HDHD2: variants seen among roughly 807,000 people sequenced by gnomAD.
HDHD2 encodes haloacid dehalogenase like hydrolase domain containing 2.
HDHD2 carries 26 observed loss-of-function variants against 24.8 expected under a neutral mutation model. That is an observed-to-expected ratio of 1.05 (90% CI 0.77 to 1.45). HDHD2 has a LOEUF of 1.45. Ranked by LOEUF, HDHD2 falls within the 40% of genes most tolerant of loss-of-function variation. The pLI, the probability that HDHD2 is intolerant of heterozygous loss-of-function variation, is 0.00. For missense variants in HDHD2, 299 were observed against 313.4 expected (o/e 0.95, Z 0.35); for synonymous variants, 128 against 114.9 (o/e 1.11, Z -0.73).
At chr18:47,140,147 G>T (rs1260054314) in intron 1 of HDHD2, among the ~76,000 whole-genome samples, 2 of 152,122 alleles carry the variant, frequency 1.3e-5, no homozygotes, top group Non-Finnish European at 2.9e-5. Context: ...CAATTTTCGT[G>T]ATTTATTTTG....
intron 1 of HDHD2, among the ~76,000 whole-genome samples, chr18:47,141,654 T>C (rs1319664850): frequency 8.4e-6 from 1 of 119,698 alleles, no homozygotes; most frequent in Non-Finnish European, 1.9e-5. Context: ...ATTTAGTTTG[T>C]TGCTAAAATT....
intron 6 of HDHD2, chr18:47,110,597 A>G (rs1599918703): frequency 1.0e-6 from 1 of 985,436 alleles, no homozygotes. Context: ...ATAGAAATTG[A>G]CAAAAGTGGC....
intron 1 of HDHD2, among the ~76,000 whole-genome samples, chr18:47,146,796 G>A (rs1021573603): frequency 1.3e-5 from 2 of 152,118 alleles, no homozygotes; most frequent in African/African-American, 4.8e-5. Context: ...TGCATACATA[G>A]GTGATAAAAC....
chr18:47,112,070 T>G, intron 6 of HDHD2, among the ~76,000 whole-genome samples: 1 of 152,222 alleles, frequency 6.6e-6, no homozygotes, highest in East Asian at 1.9e-4. Context: ...TAATTCCAAA[T>G]GCAGCAGGTG....
intron 2 of HDHD2, among the ~76,000 whole-genome samples, chr18:47,136,090 C>G (rs1599953472): frequency 6.6e-6 from 1 of 152,070 alleles, no homozygotes; most frequent in African/African-American, 2.4e-5. Flanking sequence ...ATTTATATTA[C>G]TGACTTAGAA....
chr18:47,129,005 T>G (rs2063686806), intron 4 of HDHD2, among the ~76,000 whole-genome samples: 1 of 152,110 alleles, frequency 6.6e-6, no homozygotes. Flanking sequence ...GGTTTGTTTT[T>G]TTTTTATAGC....
chr18:47,145,586 T>C lies in HDHD2; in HGVS notation c.-11+4792A>G, dbSNP rs190505345. Among the ~76,000 whole-genome samples the C allele has an allele frequency of 6.6e-5, 10 of 152,200 alleles. No individual in the cohort carries two copies. The East Asian group carries it at 9.7e-4, about 15-fold the overall frequency. ...AATATCCACATGAGAAAAAATGAAA[T>C]TGGACTCCCACATCACACTATACAC... On this transcript the variant is annotated intron_variant, in intron 1 of 6. Transcript: ENST00000300605.
At chr18:47,141,177 T>C (rs1274975667) in intron 1 of HDHD2, among the ~76,000 whole-genome samples, 1 of 152,234 alleles carries the variant, frequency 6.6e-6, no homozygotes, top group Non-Finnish European at 1.5e-5. Context: ...TAAATGGCTA[T>C]TGGATTTTAC....
intron 3 of HDHD2, among the ~76,000 whole-genome samples, chr18:47,134,197 C>T (rs115687050): frequency 1.6e-3 from 251 of 152,176 alleles, no homozygotes; most frequent in African/African-American, 5.7e-3. Flanking sequence ...CATAATCAAA[C>T]AATCAAACCA....
intron 1 of HDHD2, among the ~76,000 whole-genome samples, chr18:47,141,271 T>C (rs562823273): frequency 2.0e-5 from 3 of 152,340 alleles, no homozygotes; most frequent in South Asian, 4.1e-4. Context: ...TAAGACAATC[T>C]TGCACAAATC....
intron 1 of HDHD2, among the ~76,000 whole-genome samples, chr18:47,144,039 T>C (rs2063843656): frequency 6.6e-6 from 1 of 151,970 alleles, no homozygotes; most frequent in South Asian, 2.1e-4. Flanking sequence ...AAATAAAGCC[T>C]AACAATACTA....
intron 1 of HDHD2, among the ~76,000 whole-genome samples, chr18:47,138,248 G>T (rs909746518): frequency 2.1e-5 from 3 of 140,308 alleles, no homozygotes; most frequent in Non-Finnish European, 3.1e-5. Context: ...TAAATCAAAT[G>T]ATCAAATTAA....
At chr18:47,134,816 A>G (rs1325271657) in intron 2 of HDHD2, 112 bp from the exon 3 acceptor site, 1 of 785,990 alleles carries the variant, frequency 1.3e-6, no homozygotes, top group Non-Finnish European at 2.1e-6. Context: ...CAACATGACA[A>G]TGTGTAGCCT....
chr18:47,143,654 G>A (rs1342788703), intron 1 of HDHD2, among the ~76,000 whole-genome samples: 3 of 152,146 alleles, frequency 2.0e-5, no homozygotes, highest in Non-Finnish European at 2.9e-5. Context: ...GTTAGCATAT[G>A]AGCCATACAT....
chr18:47,130,227 T>TA lies in HDHD2; in HGVS notation c.395+16dup, dbSNP rs2063699870. On this transcript the variant is annotated intron_variant, in intron 4 of 6. Transcript: ENST00000300605. ...GGAACTATTATGATCAGATGAAAAA[T>TA]AAATAGCTAGGTTTACCGGAATGCT... 1 of 1,481,216 alleles carries TA rather than the reference T, an allele frequency of 6.8e-7. No homozygotes were observed. The highest frequency in any genetic ancestry group is 1.4e-5 in the African/African-American group (1 of 71,342). The allele number at this position is 1,481,216 out of a possible 1,614,324, so 91.8% of individuals were successfully genotyped here. A position where few individuals can be genotyped will look rare whatever the true frequency, so the allele number is the denominator to read the frequency against.
In HDHD2 at chr18:47,136,351, T is replaced by G. The variant is rs1246844613; in HGVS notation, c.89A>C (p.Glu30Ala). The G allele has an allele frequency of 1.2e-6, 2 of 1,613,758 alleles. No individual in the cohort carries two copies. The highest frequency in any genetic ancestry group is 2.2e-5 in the South Asian group (2 of 91,068). ...GAGGATAGCTTGCCTTTTAAGAGCT[T>G]CCTGTGCGCCTGGCACAGCTGCATC... ...IEDAAVPGAQEALKRLRGASV... is the reference protein window; with the variant it reads ...IEDAAVPGAQAALKRLRGASV... The change falls in exon 2 of 7, where the codon GAA becomes GCA. Residue 30 changes from glutamate (E) to alanine (A), a missense_variant. By Grantham distance (107) the Glu-to-Ala change is moderately radical. Coordinates refer to ENST00000300605, the MANE Select transcript of HDHD2 (RefSeq NM_032124.5).
intron 4 of HDHD2, among the ~76,000 whole-genome samples, chr18:47,120,719 T>G: frequency 6.6e-6 from 1 of 152,174 alleles, no homozygotes; most frequent in Non-Finnish European, 1.5e-5. Flanking sequence ...TGATTTTAAG[T>G]AAGAGATGTA....
At chr18:47,130,449 T>C in intron 3 of HDHD2, 121 bp from the exon 4 acceptor site, 3 of 637,062 alleles carry the variant, frequency 4.7e-6, no homozygotes, top group Admixed American at 2.8e-5. Context: ...TAAAATTTAA[T>C]AGATTATCCT....
intron 1 of HDHD2, among the ~76,000 whole-genome samples, chr18:47,145,349 T>C (rs56132373): frequency 0.012 from 1,828 of 152,332 alleles, 21 homozygotes; most frequent in Non-Finnish European, 0.019. Context: ...AAAGTAGGCG[T>C]TGCTTTACCT....
Sources: gnomAD v4.1 joint callset for allele counts (sites outside exome capture counted in the v4.1 genomes callset) on GRCh38, gnomAD v4.1.1 for gene constraint, MANE v1.5 for transcripts, NCBI Gene and HGNC (gene_info 2026-07-23, HGNC 2026-07-21) for gene names.